Variants in TSC2 observed in about 807,000 individuals in gnomAD.
TSC2 encodes tuberin.
Under a neutral mutation model 202.2 loss-of-function variants are expected in TSC2, and 29 were observed. That is an observed-to-expected ratio of 0.14 (90% CI 0.11 to 0.20). The LOEUF (loss-of-function observed/expected upper bound fraction) is 0.20, where lower values mean the gene tolerates loss of function less well. TSC2 is among the 10% of genes least tolerant of loss of function. The probability of loss-of-function intolerance (pLI) is 1.00; values close to 1 mark genes in which losing one functional copy is unlikely to be tolerated. For missense variants in TSC2, 2,429 were observed against 2,420.0 expected (o/e 1.00, Z -0.08); for synonymous variants, 1,349 against 1,044.0 (o/e 1.29, Z -5.63).
Position 2,088,224 on chromosome 16 carries a change from C to T in TSC2, c.5161-3C>T, listed in dbSNP as rs1410204953. 6.2e-7 allele frequency: 1 copy of T among 1,613,164 alleles called. No individual in the cohort carries two copies. The highest frequency in any genetic ancestry group is 2.2e-5 in the East Asian group (1 of 44,882). ...TGAGCTCACCCCCTGCCTACGTCCCCAGATGGCCTCACAGGTGCATCATAG... is the reference window on the plus strand; with the variant it reads ...TGAGCTCACCCCCTGCCTACGTCCCTAGATGGCCTCACAGGTGCATCATAG... On this transcript the variant is annotated splice_region_variant and splice_polypyrimidine_tract_variant and intron_variant, in intron 40 of 41. Transcript: ENST00000219476.
chr16:2,078,486 C>T (rs531568953), intron 26 of TSC2: 8 of 188,830 alleles, frequency 4.2e-5, no homozygotes, highest in African/African-American at 1.9e-4. Flanking sequence ...CATTTTCTAG[C>T]ACATTCTGTA....
intron 10 of TSC2, among the ~76,000 whole-genome samples, chr16:2,060,184 G>A (rs745306679): frequency 1.1e-4 from 16 of 152,216 alleles, no homozygotes; most frequent in Non-Finnish European, 2.2e-4. Context: ...CGCTTTTTGT[G>A]TCCGTCCTCG....
At chr16:2,070,350 C>T (rs892269549) in intron 16 of TSC2, 106 bp from the exon 17 acceptor site, 28 of 1,591,226 alleles carry the variant, frequency 1.8e-5, no homozygotes, top group East Asian at 1.6e-4. Context: ...TTTTGAAGCA[C>T]GCACTCTAGA....
At chr16:2,054,586 C>A in intron 5 of TSC2, 146 bp downstream of exon 5, 1 of 1,256,236 alleles carries the variant, frequency 8.0e-7, no homozygotes, top group Non-Finnish European at 1.1e-6. Context: ...CACCTGGGCT[C>A]ACCTGCGTGG....
chr16:2,082,160 C>T (rs1442657191), intron 31 of TSC2: 3 of 594,754 alleles, frequency 5.0e-6, no homozygotes, highest in African/African-American at 3.7e-5. Context: ...GCCCCCACCC[C>T]ACTCGGCACC....
At chr16:2,080,030 C>G in intron 29 of TSC2, 135 bp from the exon 30 acceptor site, 1 of 1,253,064 alleles carries the variant, frequency 8.0e-7, no homozygotes, top group Non-Finnish European at 1.1e-6. Context: ...TGGGCCGTGC[C>G]CCAAGGGCAG....
chr16:2,056,167 G>A, intron 6 of TSC2, 29 bp from the exon 7 acceptor site: 3 of 1,613,334 alleles, frequency 1.9e-6, no homozygotes, highest in South Asian at 2.2e-5. Context: ...AGGCAGTGCT[G>A]CCGGGACTGA....
At position 2,076,132 on chromosome 16, in the gene TSC2, C is replaced by T. The variant is rs756696525; in HGVS notation, c.2704C>T (p.Leu902=). 2 of 1,613,914 alleles carry T rather than the reference C, an allele frequency of 1.2e-6. No individual in the cohort carries two copies. The highest frequency in any genetic ancestry group is 2.2e-5 in the South Asian group (2 of 91,082). Reference sequence around the variant, plus strand: ...AGCCATGTGGTTCATCAGGTGCCGCCTGCCCTTCCGGAAGGATTTTGTCCC... The same window carrying T: ...AGCCATGTGGTTCATCAGGTGCCGCTTGCCCTTCCGGAAGGATTTTGTCCC... ...VIAMWFIRCR[L]PFRKDFVPFI... The change falls in exon 24 of 42, where the codon CTG becomes TTG. Residue 902 remains leucine (L), a synonymous_variant. Coordinates refer to ENST00000219476, the MANE Select transcript of TSC2 (RefSeq NM_000548.5).
At position 2,050,443 on chromosome 16, in the gene TSC2, T is replaced by A. The variant is rs2150996145; in HGVS notation, c.182T>A (p.Ile61Lys). Residue 61 changes from isoleucine to lysine, a missense_variant, in exon 3 of 42, where the codon ATA (isoleucine) becomes AAA (lysine). Transcript: ENST00000219476. ...ECGLNNRIRM[I>K]GQICEVAKTK... is the part of the protein sequence containing the mutation. ...GGCCTCAACAATCGCATCCGGATGA[T>A]AGGGCAGATTTGTGAAGTCGCAAAA... 1 of 1,613,856 alleles carries A rather than the reference T, an allele frequency of 6.2e-7. No homozygotes were observed.
At chr16:2,086,679 C>T in intron 37 of TSC2, 53 bp from the exon 38 acceptor site, 1 of 1,602,362 alleles carries the variant, frequency 6.2e-7, no homozygotes, top group Non-Finnish European at 8.5e-7. Context: ...GTGCAAGGCA[C>T]AGAGGGCCTC....
At chr16:2,085,735 C>T (rs1339455147) in intron 36 of TSC2, among the ~76,000 whole-genome samples, 5 of 152,222 alleles carry the variant, frequency 3.3e-5, no homozygotes, top group African/African-American at 1.2e-4. Flanking sequence ...AGCACGGGAG[C>T]CGACAGGATG....
intron 26 of TSC2, 112 bp from the exon 27 acceptor site, chr16:2,078,920 C>T: frequency 6.9e-7 from 1 of 1,457,922 alleles, no homozygotes; most frequent in Non-Finnish European, 9.5e-7. Context: ...CTGTTGGGGT[C>T]TTTCCGAGCG....
chr16:2,053,574 A>G (rs1479812422), intron 4 of TSC2, 122 bp downstream of exon 4: 1 of 1,017,862 alleles, frequency 9.8e-7, no homozygotes, highest in African/African-American at 1.6e-5. Flanking sequence ...CTAGGGGCTG[A>G]TGGGCTCTGG....
rs876659982 is a variant in TSC2, at chr16:2,064,394, C to T, written c.1566C>T (p.His522=). ...ACCTGGCAGAGGGCTGCCACACACA[C>T]CACTTCAACAGCCTGCTGGACATCA... ...LVDLAEGCHT[H]HFNSLLDIIE... Residue 522 remains histidine (H), a synonymous_variant, in exon 15 of 42, where the codon CAC becomes CAT. Coordinates refer to ENST00000219476, the MANE Select transcript of TSC2 (RefSeq NM_000548.5). 2 of 1,613,638 alleles carry T rather than the reference C, an allele frequency of 1.2e-6. No homozygotes were observed. The highest frequency in any genetic ancestry group is 1.7e-6 in the Non-Finnish European group (2 of 1,180,048).
In TSC2 at chr16:2,072,868, T is replaced by A; in HGVS notation, c.2240T>A (p.Leu747Gln). Reference protein sequence around the residue: ...LCSMLSGPKTLERLRGAPEGF... With the variant: ...LCSMLSGPKTQERLRGAPEGF... ...CATCAGCTTTCAGGCCCAAAGACAC[T>A]GGAGCGGCTCCGAGGCGCCCCAGAA... The change falls in exon 21 of 42, where the codon CTG becomes CAG. Residue 747 changes from leucine (L) to glutamine (Q), a missense_variant. Leu to Gln is a moderately radical substitution (Grantham distance 113). Coordinates refer to ENST00000219476, the MANE Select transcript of TSC2 (RefSeq NM_000548.5). The A allele has an allele frequency of 6.2e-7, 1 of 1,613,530 alleles. No individual in the cohort carries two copies. The highest frequency in any genetic ancestry group is 1.7e-5 in the Admixed American group (1 of 60,002).
At chr16:2,069,762 G>C (rs553456394) in intron 16 of TSC2, among the ~76,000 whole-genome samples, 32 of 152,282 alleles carry the variant, frequency 2.1e-4, no homozygotes, top group Non-Finnish European at 4.6e-4. Context: ...TTACAGGCGT[G>C]AGCCACTGTG....
chr16:2,067,638 C>T lies in TSC2; in HGVS notation c.1716+2003C>T, dbSNP rs563370493. Among the ~76,000 whole-genome samples, 12 of 152,236 alleles carry T rather than the reference C, an allele frequency of 7.9e-5. No homozygotes were observed. The East Asian group carries it at 1.2e-3, about 15-fold the overall frequency. On this transcript the variant is annotated intron_variant, in intron 16 of 41. Coordinates refer to ENST00000219476, the MANE Select transcript of TSC2 (RefSeq NM_000548.5). ...ATACAAAATTAGCCGGGCGTGGTGG[C>T]GCATGCCTGTAGTCCCAGCTACTCG...
intron 11 of TSC2, 66 bp from the exon 12 acceptor site, chr16:2,061,800 AGCGAG>A: frequency 1.9e-6 from 3 of 1,611,468 alleles, no homozygotes; most frequent in Non-Finnish European, 2.5e-6. Context: ...GTGGGTGTGT[AGCGAG>A]GCCTCTGGTG....
At chr16:2,062,090 G>C in intron 12 of TSC2, 82 bp downstream of exon 12, 1 of 1,591,824 alleles carries the variant, frequency 6.3e-7, no homozygotes, top group Non-Finnish European at 8.6e-7. Context: ...AGCTTTCTGA[G>C]CCTCAGAAGC....
Sources: allele counts gnomAD v4.1 joint callset (sites outside exome capture counted in the v4.1 genomes callset), GRCh38; gene constraint gnomAD v4.1.1; transcripts MANE v1.5; gene names NCBI Gene and HGNC (gene_info 2026-07-23, HGNC 2026-07-21).